The following MSI2 variants were observed in gnomAD, a reference collection of about 807,000 sequenced individuals.
The protein encoded by MSI2 is musashi RNA binding protein 2.
Under a neutral mutation model 45.6 loss-of-function variants are expected in MSI2, and 17 were observed. The observed-to-expected ratio is 0.37, with a 90% confidence interval of 0.26 to 0.56. The LOEUF (loss-of-function observed/expected upper bound fraction) is 0.56. Ranked by LOEUF, MSI2 falls within the 20% of genes least tolerant of loss-of-function variation. MSI2 has a pLI of 0.77. For missense variants in MSI2, 293 were observed against 444.2 expected (o/e 0.66, Z 3.06); for synonymous variants, 156 against 158.2 (o/e 0.99, Z 0.11).
chr17:57,615,463 CTG>C (rs1312547318), intron 8 of MSI2, among the ~76,000 whole-genome samples: 5 of 152,168 alleles, frequency 3.3e-5, no homozygotes, highest in Non-Finnish European at 7.3e-5. Flanking sequence ...GTTTTCTCAT[CTG>C]TGAACTGGAG....
chr17:57,674,325 TA>T (rs889049128), intron 11 of MSI2, among the ~76,000 whole-genome samples: 12 of 142,278 alleles, frequency 8.4e-5, no homozygotes, highest in Admixed American at 2.1e-4. Context: ...TTGTCTTTTT[TA>T]AAAAAAAAAA....
chr17:57,468,906 T>G (rs1473966960), intron 6 of MSI2, among the ~76,000 whole-genome samples: 1 of 152,148 alleles, frequency 6.6e-6, no homozygotes, highest in Non-Finnish European at 1.5e-5. Flanking sequence ...TCCCTTCTGC[T>G]TTTGTTCTTA....
chr17:57,354,822 G>A (rs771414910), intron 5 of MSI2, among the ~76,000 whole-genome samples: 9 of 152,194 alleles, frequency 5.9e-5, no homozygotes, highest in Admixed American at 1.3e-4. Flanking sequence ...AGAGAATGAT[G>A]CAGTATGATT....
intron 10 of MSI2, chr17:57,632,300 G>C: frequency 9.3e-7 from 1 of 1,074,350 alleles, no homozygotes; most frequent in South Asian, 4.4e-5. Context: ...AGTGATAAAG[G>C]TGAACACACA....
chr17:57,529,798 T>C lies in MSI2; in HGVS notation c.454+74T>C. The C allele has an allele frequency of 8.0e-7, 1 of 1,252,922 alleles. No homozygotes were observed. Among genetic ancestry groups the C allele is most frequent in the Non-Finnish European group, 1.1e-6 (1 of 876,480 alleles). 77.6% of individuals were successfully genotyped at this position (1,252,922 alleles called of 1,614,324 possible). ...CTCTGTCTGTCATCCCCAGTCCCACTGACAAAAGATACAGTGAAGAGTCCA... is the reference window on the plus strand; with the variant it reads ...CTCTGTCTGTCATCCCCAGTCCCACCGACAAAAGATACAGTGAAGAGTCCA... On this transcript the variant is annotated intron_variant, in intron 7 of 13. Coordinates refer to ENST00000284073, the MANE Select transcript of MSI2 (RefSeq NM_138962.4). This position sits in a 1 kb window ranked among gnomAD's most constrained non-coding sequence, Gnocchi z 5.3.
At chr17:57,428,285 A>G (rs921138366) in intron 6 of MSI2, among the ~76,000 whole-genome samples, 2 of 152,186 alleles carry the variant, frequency 1.3e-5, no homozygotes, top group African/African-American at 4.8e-5. Flanking sequence ...GTGCAGTGGC[A>G]TGATCGTGGC....
chr17:57,276,662 G>A (rs1400808245), intron 5 of MSI2, among the ~76,000 whole-genome samples: 7 of 152,304 alleles, frequency 4.6e-5, no homozygotes, highest in Non-Finnish European at 7.4e-5. Flanking sequence ...TGTGTTTCCC[G>A]GCGTGCTGCC....
chr17:57,256,897 GCC>G, intron 1 of MSI2, 93 bp downstream of exon 1: 2 of 790,036 alleles, frequency 2.5e-6, no homozygotes, highest in Non-Finnish European at 3.5e-6. Flanking sequence ...CATCTCCCGC[GCC>G]CCCCCGCCTC....
chr17:57,391,632 G>C (rs2083792729), intron 5 of MSI2, among the ~76,000 whole-genome samples: 1 of 152,076 alleles, frequency 6.6e-6, no homozygotes, highest in Non-Finnish European at 1.5e-5. Context: ...ATTCCACCCT[G>C]GGTGGGCAAC....
At chr17:57,595,453 A>G (rs1905173938) in intron 7 of MSI2, among the ~76,000 whole-genome samples, 1 of 152,000 alleles carries the variant, frequency 6.6e-6, no homozygotes, top group African/African-American at 2.4e-5. Flanking sequence ...GTCTAAGAAA[A>G]ACGGTTTATT....
At chr17:57,564,270 T>G (rs1002111323) in intron 7 of MSI2, among the ~76,000 whole-genome samples, 1 of 152,340 alleles carries the variant, frequency 6.6e-6, no homozygotes, top group South Asian at 2.1e-4. Context: ...GCCCAGAAGG[T>G]CGCCTTGTAA....
chr17:57,291,571 A>T (rs1175985228), intron 5 of MSI2, among the ~76,000 whole-genome samples: 1 of 152,190 alleles, frequency 6.6e-6, no homozygotes, highest in Non-Finnish European at 1.5e-5. Context: ...GGCTTATTGA[A>T]ATAACAGCTA....
chr17:57,508,708 G>A (rs2086288684), intron 6 of MSI2, among the ~76,000 whole-genome samples: 3 of 152,230 alleles, frequency 2.0e-5, no homozygotes, highest in South Asian at 2.1e-4. Context: ...GAAACAGAGT[G>A]CAGCTCACAG....
chr17:57,358,432 TG>T (rs1916599495), intron 5 of MSI2, among the ~76,000 whole-genome samples: 1 of 152,200 alleles, frequency 6.6e-6, no homozygotes, highest in African/African-American at 2.4e-5. Context: ...CATCTTTTTC[TG>T]ATTCATGCAA....
intron 6 of MSI2, among the ~76,000 whole-genome samples, chr17:57,430,638 C>T (rs1278103574): frequency 1.3e-5 from 2 of 152,234 alleles, no homozygotes; most frequent in African/African-American, 4.8e-5. Context: ...ATGAGAGACT[C>T]CGGGGCTGCA....
At chr17:57,271,994 C>T (rs8182242) in intron 5 of MSI2, among the ~76,000 whole-genome samples, 1 of 152,048 alleles carries the variant, frequency 6.6e-6, no homozygotes, top group Non-Finnish European at 1.5e-5. Context: ...GCAGAAAGAC[C>T]TAGTGTAGCA....
chr17:57,523,068 G>A (rs1216627410), intron 6 of MSI2, among the ~76,000 whole-genome samples: 2 of 145,508 alleles, frequency 1.4e-5, no homozygotes, highest in South Asian at 2.2e-4. Context: ...TTTTTTTTGA[G>A]GTGGAGTCTC....
chr17:57,675,666 G>T (rs1239050893), intron 12 of MSI2, among the ~76,000 whole-genome samples: 1 of 152,154 alleles, frequency 6.6e-6, no homozygotes, highest in Admixed American at 6.5e-5. Context: ...GGCAGCGCTG[G>T]AGCCCGGGAG....
intron 5 of MSI2, among the ~76,000 whole-genome samples, chr17:57,312,246 T>A (rs892940214): frequency 6.6e-5 from 10 of 152,276 alleles, no homozygotes; most frequent in Non-Finnish European, 1.5e-4. Flanking sequence ...TCTTGATGCC[T>A]GAAGGCAACT....
Sources: gnomAD v4.1 joint callset for allele counts (sites outside exome capture counted in the v4.1 genomes callset) on GRCh38, gnomAD v4.1.1 for gene constraint, Gnocchi (gnomAD v3.1) non-coding constraint, MANE v1.5 for transcripts, NCBI Gene and HGNC (gene_info 2026-07-23, HGNC 2026-07-21) for gene names.